NCF2: variants seen among roughly 807,000 people sequenced by gnomAD.
NCF2 encodes the protein neutrophil cytosolic factor 2.
Under a neutral mutation model 70.9 loss-of-function variants are expected in NCF2, and 45 were observed. The observed-to-expected ratio is 0.63, with a 90% CI of 0.50 to 0.81. The LOEUF (loss-of-function observed/expected upper bound fraction) is 0.81. Ranked by LOEUF, NCF2 falls within the 40% of genes least tolerant of loss-of-function variation. The pLI, the probability that NCF2 is intolerant of heterozygous loss-of-function variation, is 0.00. For synonymous variants in NCF2, 203 were observed against 233.6 expected, an observed-to-expected ratio of 0.87 and a Z score of 1.19; for missense variants, 522 against 631.6, an observed-to-expected ratio of 0.83 and a Z score of 1.86.
chr1:183,590,222 G>C lies in NCF2; in HGVS notation c.108C>G (p.His36Gln). 6.2e-7 allele frequency: 1 copy of C among 1,614,218 alleles called. No homozygotes were observed. The highest frequency in any genetic ancestry group is 8.5e-7 in the Non-Finnish European group (1 of 1,180,040). ...LDAFSAVQDP[H>Q]SRICFNIGCM... ...AGCCAATGTTGAAGCAAATCCGGGA[G>C]TGGGGGTCCTGGACGGCACTGAAGG... Residue 36 changes from histidine to glutamine, a missense_variant, in exon 1 of 15, where the codon CAC (histidine) becomes CAG (glutamine). His to Gln is a conservative substitution (Grantham distance 24). Transcript: ENST00000367535.
At chr1:183,585,907 G>A (rs1437594746) in intron 2 of NCF2, among the ~76,000 whole-genome samples, 1 of 152,214 alleles carries the variant, frequency 6.6e-6, no homozygotes, top group Non-Finnish European at 1.5e-5. Flanking sequence ...GGTGATAGAA[G>A]AAAATGGATT....
chr1:183,577,556 G>T, intron 3 of NCF2, 43 bp downstream of exon 3: 1 of 1,463,032 alleles, frequency 6.8e-7, no homozygotes, highest in Non-Finnish European at 9.6e-7. Context: ...CATCCATCCA[G>T]CCATGATCCC....
the NCF2 span, among the ~76,000 whole-genome samples, chr1:183,599,668 C>T: frequency 4.6e-5 from 7 of 151,890 alleles, no homozygotes; most frequent in Admixed American, 4.6e-4. Flanking sequence ...TCTCCTGCCT[C>T]AGCCTCCCAA....
chr1:183,581,764 T>C (rs1315911031), intron 2 of NCF2, among the ~76,000 whole-genome samples: 2 of 151,872 alleles, frequency 1.3e-5, no homozygotes, highest in Non-Finnish European at 2.9e-5. Flanking sequence ...CGCCTCCCGG[T>C]TCACGCCATT....
the NCF2 span, among the ~76,000 whole-genome samples, chr1:183,597,494 A>C: frequency 6.6e-6 from 1 of 152,304 alleles, no homozygotes; most frequent in East Asian, 1.9e-4. Flanking sequence ...CAGGAGGTAC[A>C]TGTGTAGGTT....
intron 2 of NCF2, 66 bp downstream of exon 2, chr1:183,586,829 G>T: frequency 6.8e-7 from 1 of 1,462,860 alleles, no homozygotes; most frequent in Non-Finnish European, 9.6e-7. Context: ...CACCAAGCCC[G>T]CAACACTGAG....
At chr1:183,587,029 GTGAGA>G in intron 1 of NCF2, 52 bp from the exon 2 acceptor site, 4 of 1,530,268 alleles carry the variant, frequency 2.6e-6, no homozygotes, top group South Asian at 1.1e-5. Context: ...GTGAGGAGGT[GTGAGA>G]TGAGCCACGG....
At position 183,567,246 on chromosome 1, in the gene NCF2, C is replaced by T; in HGVS notation, c.813G>A (p.Lys271=). 2 of 1,614,188 alleles carry T rather than the reference C, an allele frequency of 1.2e-6. No individual in the cohort carries two copies. The highest frequency in any genetic ancestry group is 1.7e-6 in the Non-Finnish European group (2 of 1,180,032). Residue 271 remains lysine (K), a synonymous_variant, in exon 8 of 15, where the codon AAG becomes AAA. Transcript: ENST00000367535. ...CCGTGGCCCAGTTATCATTGCCCTT[C>T]TTCAAGACAAAGACAATGTTCCCTG... The part of the protein sequence containing the change: ...VMPGNIVFVL[K]KGNDNWATVM...
chr1:183,590,497 C>G, upstream of NCF2: 1 of 733,884 alleles, frequency 1.4e-6, no homozygotes, highest in Non-Finnish European at 2.4e-6. Flanking sequence ...CTCAGTGTTG[C>G]AAATGCATCA....
chr1:183,575,547 A>G lies in NCF2; in HGVS notation c.367-926T>C, dbSNP rs755545832. On this transcript the variant is annotated intron_variant, in intron 3 of 14. Coordinates refer to ENST00000367535, the MANE Select transcript of NCF2 (RefSeq NM_000433.4). ...ATTGTGCTTCACAATTTACACACAG[A>G]ATCAAATAATCGTTTGGATGCATTA... Among the ~76,000 whole-genome samples the G allele has an allele frequency of 2.6e-5, 4 of 152,234 alleles. No homozygotes were observed. The East Asian group carries it at 7.7e-4, about 29-fold the overall frequency.
chr1:183,586,842 C>G, intron 2 of NCF2, 53 bp downstream of exon 2: 1 of 1,533,398 alleles, frequency 6.5e-7, no homozygotes, highest in Non-Finnish European at 9.0e-7. Flanking sequence ...ACACTGAGAC[C>G]CCTTGGGTTT....
At chr1:183,588,704 T>A (rs777562994) in intron 1 of NCF2, among the ~76,000 whole-genome samples, 1 of 152,148 alleles carries the variant, frequency 6.6e-6, no homozygotes, top group Non-Finnish European at 1.5e-5. Flanking sequence ...TAAGAATGCA[T>A]ATAAATGCTA....
At chr1:183,577,388 T>C (rs1672843448) in intron 3 of NCF2, among the ~76,000 whole-genome samples, 1 of 152,230 alleles carries the variant, frequency 6.6e-6, no homozygotes, top group Non-Finnish European at 1.5e-5. Flanking sequence ...ATAAAATGTA[T>C]GCCCCCAGGT....
intron 7 of NCF2, among the ~76,000 whole-genome samples, chr1:183,568,545 T>C (rs1467201743): frequency 6.6e-6 from 1 of 151,884 alleles, no homozygotes; most frequent in East Asian, 1.9e-4. Context: ...AAGAAAGCTG[T>C]AGGTTATGTC....
Position 183,560,144 on chromosome 1 carries a change from C to T in NCF2, c.1420G>A (p.Glu474Lys), listed in dbSNP as rs2102875698. 6.2e-7 allele frequency: 1 copy of T among 1,614,180 alleles called. No homozygotes were observed. The highest frequency in any genetic ancestry group is 1.1e-5 in the South Asian group (1 of 91,086). The change falls in exon 14 of 15, where the codon GAG (glutamate) becomes AAG (lysine). Residue 474 changes from glutamate to lysine, a missense_variant. By Grantham distance (56) the Glu-to-Lys change is moderately conservative. Coordinates refer to ENST00000367535, the MANE Select transcript of NCF2 (RefSeq NM_000433.4). Reference protein sequence around the residue: ...ALFSYEATQPEDLEFQEGDII... With the variant: ...ALFSYEATQPKDLEFQEGDII... ...TCCCCTTCCTGAAACTCCAGGTCCT[C>T]TGGTTGGGTAGCCTCATAACTGAAG...
upstream of NCF2, among the ~76,000 whole-genome samples, chr1:183,592,347 A>G (rs920508715): frequency 1.3e-5 from 2 of 152,228 alleles, no homozygotes; most frequent in Non-Finnish European, 2.9e-5. Flanking sequence ...TTCAAAGCCC[A>G]GTTTAAATGT....
Position 183,577,633 on chromosome 1 carries a change from A to C in NCF2, c.332T>G (p.Ile111Ser). 1 of 1,614,004 alleles carries C rather than the reference A, an allele frequency of 6.2e-7. No individual in the cohort carries two copies. The highest frequency in any genetic ancestry group is 8.5e-7 in the Non-Finnish European group (1 of 1,179,908). Residue 111 changes from isoleucine to serine, a missense_variant, in exon 3 of 15, where the codon ATC becomes AGC. Ile to Ser is a moderately radical substitution (Grantham distance 142). Transcript: ENST00000367535. ...AAACAGCTTGAACTGGAGCCCCAGG[A>C]TCTTATAGTCTATCAGCTGGTTCCC... ...LRGNQLIDYK[I>S]LGLQFKLFAC...
intron 1 of NCF2, among the ~76,000 whole-genome samples, chr1:183,589,566 C>T (rs1404229195): frequency 2.0e-5 from 3 of 152,170 alleles, no homozygotes; most frequent in East Asian, 1.9e-4. Context: ...GAAAAAGATG[C>T]GAGACATCCC....
the NCF2 span, among the ~76,000 whole-genome samples, chr1:183,596,342 T>C: frequency 2.0e-5 from 3 of 151,446 alleles, no homozygotes; most frequent in African/African-American, 4.9e-5. Context: ...TTCATATTTG[T>C]ACCCTTTACA....
Sources: gnomAD v4.1 joint callset for allele counts (sites outside exome capture counted in the v4.1 genomes callset) on GRCh38, gnomAD v4.1.1 for gene constraint, MANE v1.5 for transcripts, NCBI Gene and HGNC (gene_info 2026-07-23, HGNC 2026-07-21) for gene names.